The following TCHH variants were observed in gnomAD, a reference collection of about 807,000 sequenced individuals.
TCHH encodes trichohyalin.
Under a neutral mutation model 6.3 loss-of-function variants are expected in TCHH, and 6 were observed. That is an observed-to-expected ratio of 0.95 (90% CI 0.52 to 1.88). TCHH has a LOEUF of 1.88. Among genes scored for constraint, TCHH ranks in the 40% most tolerant of loss-of-function variants. TCHH has a pLI of 0.01. For synonymous variants in TCHH, 1,087 were observed against 963.6 expected (o/e 1.13, Z -2.37); for missense variants, 2,920 against 2,449.1 (o/e 1.19, Z -4.06).
rs1658235790 is a variant in TCHH at position 152,109,300 on chromosome 1, TC to T, written c.3916del (p.Glu1306LysfsTer16). 1.9e-6 allele frequency: 3 copies of T among 1,614,106 alleles called. No homozygotes were observed. The highest frequency in any genetic ancestry group is 2.5e-6 in the Non-Finnish European group (3 of 1,180,042). ...EEQLEREEQK[E>X]AKRRDRKSQE... ...GGACTTCCTGTCGCGCCTTTTGGCT[TC>T]CTTTTGCTCTTCTCGCTCCAGCTGT... On this transcript the variant is annotated frameshift_variant, in exon 3 of 3. Transcript: ENST00000614923. LOFTEE classifies it low-confidence loss of function (END_TRUNC).
chr1:152,108,158 GGCGGC>G lies in TCHH; in HGVS notation c.5054_5058del (p.Arg1685ProfsTer4), dbSNP rs776784183. 2.5e-6 allele frequency: 4 copies of G among 1,613,634 alleles called. No individual in the cohort carries two copies. The highest frequency in any genetic ancestry group is 1.7e-6 in the Non-Finnish European group (2 of 1,179,946). ...TCGCGGAATTTTCTGTCACGCTCTT[GGCGGC>G]GCAGCTGCTGTTCCTCCCCTTCCTG... On this transcript the variant is annotated frameshift_variant, in exon 3 of 3. Transcript: ENST00000614923. LOFTEE classifies it low-confidence loss of function (END_TRUNC).
In TCHH at chr1:152,107,805, G is replaced by GC. The variant is rs762368281; in HGVS notation, c.5411dup (p.Gln1805ProfsTer14). The GC allele has an allele frequency of 6.2e-7, 1 of 1,613,114 alleles. No homozygotes were observed. The highest frequency in any genetic ancestry group is 1.1e-5 in the South Asian group (1 of 91,034). On this transcript the variant is annotated frameshift_variant, in exon 3 of 3. Transcript: ENST00000614923. LOFTEE classifies it low-confidence loss of function (END_TRUNC). Reference sequence around the variant, plus strand: ...GCAGCTGCTGTTCTTCCCTCTCCTGGCGTAGCTGTTCCTCCTCGCGGAATT... The same window carrying GC: ...GCAGCTGCTGTTCTTCCCTCTCCTGGCCGTAGCTGTTCCTCCTCGCGGAATT...
chr1:152,109,242 T>C lies in TCHH; in HGVS notation c.3975A>G (p.Arg1325=). 6.2e-7 allele frequency: 1 copy of C among 1,614,244 alleles called. No individual in the cohort carries two copies. The highest frequency in any genetic ancestry group is 2.2e-5 in the East Asian group (1 of 44,882). Residue 1325 remains arginine, a synonymous_variant, in exon 3 of 3, where the codon AGA becomes AGG. Coordinates refer to ENST00000614923, the MANE Select transcript of TCHH (RefSeq NM_007113.4). ...TCTCTTGACGGCGTCTCTTCTCTTC[T>C]CTTTCCTCTCTCAGCAACTGCTTTT... ...QEEKQLLREE[R]EEKRRRQETD...
chr1:152,112,772 C>G lies in TCHH; in HGVS notation c.445G>C (p.Ala149Pro). The change falls in exon 3 of 3, where the codon GCT becomes CCT. Residue 149 changes from alanine (A) to proline (P), a missense_variant. Transcript: ENST00000614923. ...QKRQEQEREL[A>P]EGEEQSEKQE... ...TTCTCACTTTGCTCCTCTCCCTCAG[C>G]TAGCTCCCTCTCCTGTTCCTGCCTC... The G allele has an allele frequency of 3.7e-6, 6 of 1,614,072 alleles. No homozygotes were observed. Among genetic ancestry groups the G allele is most frequent in the South Asian group, 1.1e-5 (1 of 91,080 alleles).
In TCHH at chr1:152,110,111, C is replaced by T. The variant is rs753988761; in HGVS notation, c.3106G>A (p.Glu1036Lys). ...LQQEEEQLLR[E>K]EREKRRLQER... ...TGGAGTCTTCTTTTCTCCCGTTCCT[C>T]TCTCAGCAGCTGCTCTTCTTCCTGC... The change falls in exon 3 of 3, where the codon GAG becomes AAG. Residue 1036 changes from glutamate (E) to lysine (K), a missense_variant. By Grantham distance (56) the Glu-to-Lys change is moderately conservative. Coordinates refer to ENST00000614923, the MANE Select transcript of TCHH (RefSeq NM_007113.4). The T allele has an allele frequency of 9.3e-6, 15 of 1,612,184 alleles. No homozygotes were observed. The highest frequency in any genetic ancestry group is 1.2e-5 in the Non-Finnish European group (14 of 1,179,450).
chr1:152,107,513 T>G lies in TCHH; in HGVS notation c.5704A>C (p.Lys1902Gln), dbSNP rs1131471. Reference sequence around the variant, plus strand: ...CCATGGCCCTTCCCTTCTTGGGATTTTATCTCCCCGACTTGGCGGTGCCTC... The same window carrying G: ...CCATGGCCCTTCCCTTCTTGGGATTGTATCTCCCCGACTTGGCGGTGCCTC... The part of the protein sequence containing the change: ...EQRHRQVGEI[K>Q]SQEGKGHGRL... The change falls in exon 3 of 3, where the codon AAA (lysine) becomes CAA (glutamine). Residue 1902 changes from lysine (K) to glutamine (Q), a missense_variant. Transcript: ENST00000614923. 748,086 of 1,613,736 alleles carry G rather than the reference T, an allele frequency of 0.46. 179,960 individuals carry two copies. The highest frequency in any genetic ancestry group is 0.72 in the South Asian group (65,693 of 91,064).
Position 152,110,394 on chromosome 1 carries a change from C to G in TCHH, c.2823G>C (p.Glu941Asp). 1 of 1,613,898 alleles carries G rather than the reference C, an allele frequency of 6.2e-7. No individual in the cohort carries two copies. Among genetic ancestry groups the G allele is most frequent in the Non-Finnish European group, 8.5e-7 (1 of 1,180,000 alleles). ...REEEQLQQEEEQLLREEREKR... is the reference protein window; with the variant it reads ...REEEQLQQEEDQLLREEREKR... ...TCTCCCGTTCCTCTCTCAGCAGCTG[C>G]TCTTCCTCCTGCTGCAGCTGCTCTT... The change falls in exon 3 of 3, where the codon GAG becomes GAC. Residue 941 changes from glutamate to aspartate, a missense_variant. Coordinates refer to ENST00000614923, the MANE Select transcript of TCHH (RefSeq NM_007113.4).
Position 152,111,054 on chromosome 1 carries a change from C to A in TCHH, c.2163G>T (p.Ser721=), listed in dbSNP as rs773271951. The A allele has an allele frequency of 6.2e-7, 1 of 1,613,504 alleles. No homozygotes were observed. Among genetic ancestry groups the A allele is most frequent in the African/African-American group, 1.3e-5 (1 of 75,004 alleles). Residue 721 remains serine, a synonymous_variant, in exon 3 of 3, where the codon TCG becomes TCT. Coordinates refer to ENST00000614923, the MANE Select transcript of TCHH (RefSeq NM_007113.4). ...EADARQSKVY[S]RPRKQEGQRR... ...TCTGCCCTTCCTGCTTGCGGGGCCT[C>A]GAGTAGACTTTGCTTTGCCGTGCGT...
rs769212310 is a variant in TCHH, at chr1:152,110,158, T to C, written c.3059A>G (p.Tyr1020Cys). 4.4e-6 allele frequency: 7 copies of C among 1,604,298 alleles called. No individual in the cohort carries two copies. The highest frequency in any genetic ancestry group is 4.5e-5 in the East Asian group (2 of 44,276). Residue 1020 changes from tyrosine (Y) to cysteine (C), a missense_variant, in exon 3 of 3, where the codon TAC (tyrosine) becomes TGC (cysteine). Coordinates refer to ENST00000614923, the MANE Select transcript of TCHH (RefSeq NM_007113.4). ...CTGCTGCAGCTCGTCTTTTTTGCGG[T>C]ACTGCCTCTCCCACTCCTGGCGCCT... ...KRRRQEWERQ[Y>C]RKKDELQQEE...
chr1:152,112,932 C>G lies in TCHH; in HGVS notation c.285G>C (p.Leu95=). ...CACACCGGGCTCGCTTCTCCTCATCCAGTCCCGTGGCCTGGCCGAGAGCAT... is the reference window on the plus strand; with the variant it reads ...CACACCGGGCTCGCTTCTCCTCATCGAGTCCCGTGGCCTGGCCGAGAGCAT... ...CYYALGQATG[L]DEEKRARCDG... Residue 95 remains leucine (L), a synonymous_variant, in exon 3 of 3, where the codon CTG becomes CTC. Coordinates refer to ENST00000614923, the MANE Select transcript of TCHH (RefSeq NM_007113.4). 6.2e-7 allele frequency: 1 copy of G among 1,613,998 alleles called. No individual in the cohort carries two copies. The highest frequency in any genetic ancestry group is 8.5e-7 in the Non-Finnish European group (1 of 1,180,028).
chr1:152,114,055 C>G lies in TCHH; in HGVS notation c.26G>C (p.Cys9Ser). 1 of 1,612,934 alleles carries G rather than the reference C, an allele frequency of 6.2e-7. No individual in the cohort carries two copies. The highest frequency in any genetic ancestry group is 8.5e-7 in the Non-Finnish European group (1 of 1,179,674). Reference sequence around the variant, plus strand: ...CTGATTGAAAATTTCAGTGATGTCACAGATGCTTCTCAGAAGTGGAGACAT... The same window carrying G: ...CTGATTGAAAATTTCAGTGATGTCAGAGATGCTTCTCAGAAGTGGAGACAT... The part of the protein sequence containing the change: MSPLLRSI[C>S]DITEIFNQYV... The change falls in exon 2 of 3, where the codon TGT (cysteine) becomes TCT (serine). Residue 9 changes from cysteine to serine, a missense_variant. By Grantham distance (112) the Cys-to-Ser change is moderately radical. Coordinates refer to ENST00000614923, the MANE Select transcript of TCHH (RefSeq NM_007113.4).
chr1:152,108,991 C>G lies in TCHH; in HGVS notation c.4226G>C (p.Arg1409Pro), dbSNP rs765137350. 1.1e-5 allele frequency: 18 copies of G among 1,612,536 alleles called. No homozygotes were observed. In the East Asian group the frequency reaches 2.5e-4, roughly 22 times the overall value. Residue 1409 changes from arginine to proline, a missense_variant, in exon 3 of 3, where the codon CGT (arginine) becomes CCT (proline). Transcript: ENST00000614923. ...LRCQEREQQLRQDRDRKFREE... is the reference protein window; with the variant it reads ...LRCQEREQQLPQDRDRKFREE... Reference sequence around the variant, plus strand: ...GCGGAATTTTCTGTCGCGGTCCTGACGCAGCTGTTGCTCGCGCTCCTGGCA... The same window carrying G: ...GCGGAATTTTCTGTCGCGGTCCTGAGGCAGCTGTTGCTCGCGCTCCTGGCA...
chr1:152,111,629 G>C lies in TCHH; in HGVS notation c.1588C>G (p.Gln530Glu). ...KRQEEEERLQ[Q>E]RLRSEQQLRR... ...AGTTGTTGCTCGCTCCTCAACCGCTGCTGGAGCCTCTCTTCCTCCTCCTGG... is the reference window on the plus strand; with the variant it reads ...AGTTGTTGCTCGCTCCTCAACCGCTCCTGGAGCCTCTCTTCCTCCTCCTGG... The change falls in exon 3 of 3, where the codon CAG becomes GAG. Residue 530 changes from glutamine to glutamate, a missense_variant. Transcript: ENST00000614923. 2 of 1,603,966 alleles carry C rather than the reference G, an allele frequency of 1.2e-6. No individual in the cohort carries two copies. The highest frequency in any genetic ancestry group is 8.5e-7 in the Non-Finnish European group (1 of 1,177,242).
Position 152,107,947 on chromosome 1 carries a change from G to C in TCHH, c.5270C>G (p.Pro1757Arg), listed in dbSNP as rs1173008005. 6 of 1,560,256 alleles carry C rather than the reference G, an allele frequency of 3.8e-6. No individual in the cohort carries two copies. Among genetic ancestry groups the C allele is most frequent in the East Asian group, 2.4e-5 (1 of 42,302 alleles). The stretch of plus-strand genomic sequence containing the variant: ...GCGCAGCTGCTGTTCTTCCCTTTCC[G>C]GACGGAGCTGCTCTTCCTCTAGGAT... ...RKILEEEQLR[P>R]EREEQQLRRQ... is the part of the protein sequence containing the mutation. The change falls in exon 3 of 3, where the codon CCG becomes CGG. Residue 1757 changes from proline to arginine, a missense_variant. Pro to Arg is a moderately radical substitution (Grantham distance 103). Transcript: ENST00000614923.
At chr1:152,113,138 A>G (rs540536233) in intron 2 of TCHH, 60 bp from the exon 3 acceptor site, 6 of 1,422,554 alleles carry the variant, frequency 4.2e-6, no homozygotes, top group African/African-American at 1.4e-5. Flanking sequence ...GTAAAATTAT[A>G]TTCACACATG....
intron 1 of TCHH, 135 bp downstream of exon 1, chr1:152,115,256 G>C (rs1271944258): frequency 6.6e-6 from 1 of 152,234 alleles, no homozygotes; most frequent in Middle Eastern, 3.2e-3. Context: ...GATAGAGTTA[G>C]TGATAGTTTA....
chr1:152,114,150 T>A, intron 1 of TCHH, 39 bp from the exon 2 acceptor site: 1 of 1,469,308 alleles, frequency 6.8e-7, no homozygotes, highest in Non-Finnish European at 9.1e-7. Flanking sequence ...AAAATCCCGT[T>A]TCTGCTTTTG....
rs776322208 is a variant in TCHH at position 152,107,670 on chromosome 1, C to T, written c.5547G>A (p.Glu1849=). The T allele has an allele frequency of 1.2e-6, 2 of 1,614,214 alleles. No individual in the cohort carries two copies. The highest frequency in any genetic ancestry group is 1.3e-5 in the African/African-American group (1 of 75,076). ...QERDRQYRAE[E]QFATQEKSRR... The stretch of plus-strand genomic sequence containing the variant: ...GACTCTTCTCCTGCGTGGCAAACTG[C>T]TCCTCCGCCCGGTACTGCCGGTCTC... Residue 1849 remains glutamate (E), a synonymous_variant, in exon 3 of 3, where the codon GAG becomes GAA. Coordinates refer to ENST00000614923, the MANE Select transcript of TCHH (RefSeq NM_007113.4).
In TCHH at chr1:152,108,721, C is replaced by T. The variant is rs772223668; in HGVS notation, c.4496G>A (p.Arg1499His). The T allele has an allele frequency of 6.8e-6, 11 of 1,611,828 alleles. No individual in the cohort carries two copies. The East Asian group carries it at 9.0e-5, about 13-fold the overall frequency. The change falls in exon 3 of 3, where the codon CGT (arginine) becomes CAT (histidine). Residue 1499 changes from arginine (R) to histidine (H), a missense_variant. By Grantham distance (29) the Arg-to-His change is conservative. Coordinates refer to ENST00000614923, the MANE Select transcript of TCHH (RefSeq NM_007113.4). ...TTCCTGTTCGCGGAATTTTCTGTCACGCTCTTGGCGGCGCAGCTGTTGTTC... is the reference window on the plus strand; with the variant it reads ...TTCCTGTTCGCGGAATTTTCTGTCATGCTCTTGGCGGCGCAGCTGTTGTTC... ...EEEQQLRRQE[R>H]DRKFREQELR...
Sources: allele counts gnomAD v4.1 joint callset, GRCh38; gene constraint gnomAD v4.1.1; transcripts MANE v1.5; gene names NCBI Gene and HGNC (gene_info 2026-07-23, HGNC 2026-07-21).